PLEKHA5: variants seen among roughly 807,000 people sequenced by gnomAD.
The protein encoded by PLEKHA5 is pleckstrin homology domain-containing family A member 5.
A neutral mutation model predicts 181.9 loss-of-function variants in PLEKHA5; 55 were observed. That is an observed-to-expected ratio of 0.30 (90% CI 0.24 to 0.38). The LOEUF is 0.38. PLEKHA5 is among the 10% of genes least tolerant of loss of function. The probability of loss-of-function intolerance (pLI) is 1.00; values close to 1 mark genes in which losing one functional copy is unlikely to be tolerated. For missense variants in PLEKHA5, 1,432 were observed against 1,549.5 expected (o/e 0.92, Z 1.27); for synonymous variants, 535 against 529.4 (o/e 1.01, Z -0.15).
chr12:19,354,485 GT>G (rs36094874), intron 26 of PLEKHA5, among the ~76,000 whole-genome samples: 1,252 of 109,566 alleles, frequency 0.011, 19 homozygotes, highest in African/African-American at 0.04. Context: ...AAAAAAAATT[GT>G]TTTTTTTTTT....
chr12:19,179,793 TTA>T (rs1255647415), intron 3 of PLEKHA5, among the ~76,000 whole-genome samples: 7 of 152,218 alleles, frequency 4.6e-5, no homozygotes, highest in Non-Finnish European at 8.8e-5. Flanking sequence ...TAGCTGAAAG[TTA>T]GCCTCTCATT....
intron 3 of PLEKHA5, among the ~76,000 whole-genome samples, chr12:19,212,832 GTTGTT>G: frequency 1.2e-5 from 1 of 83,190 alleles, no homozygotes; most frequent in African/African-American, 3.8e-5. Context: ...GTTTTTTTTT[GTTGTT>G]TTTTTTTTTT....
At chr12:19,357,721 C>T (rs1285413546) in intron 26 of PLEKHA5, among the ~76,000 whole-genome samples, 4 of 151,188 alleles carry the variant, frequency 2.6e-5, no homozygotes, top group African/African-American at 9.7e-5. Flanking sequence ...CTGCAACCTC[C>T]ACCTCCTGGG....
chr12:19,245,550 A>G (rs1490463207), intron 3 of PLEKHA5, among the ~76,000 whole-genome samples: 1 of 151,876 alleles, frequency 6.6e-6, no homozygotes, highest in African/African-American at 2.4e-5. Flanking sequence ...CAATATGGTG[A>G]AACCCCGTCT....
At position 19,274,873 on chromosome 12, in the gene PLEKHA5, G is replaced by T; in HGVS notation, c.1203G>T (p.Gly401=). The T allele has an allele frequency of 6.2e-7, 1 of 1,614,002 alleles. No homozygotes were observed. Among genetic ancestry groups the T allele is most frequent in the East Asian group, 2.2e-5 (1 of 44,848 alleles). The change falls in exon 11 of 32, where the codon GGG becomes GGT. Residue 401 remains glycine, a synonymous_variant. Coordinates refer to ENST00000429027, the MANE Select transcript of PLEKHA5 (RefSeq NM_001256470.2). ...DLRGGNRPNT[G]PLYTEADRVI... ...GAGGTGGAAATCGCCCCAATACAGGGCCCTTATACACAGAGGCCGATCGAG... is the reference window on the plus strand; with the variant it reads ...GAGGTGGAAATCGCCCCAATACAGGTCCCTTATACACAGAGGCCGATCGAG...
chr12:19,322,342 A>G lies in PLEKHA5; in HGVS notation c.2250A>G (p.Lys750=), dbSNP rs376268200. 51 of 1,613,340 alleles carry G rather than the reference A, an allele frequency of 3.2e-5. No homozygotes were observed. Among genetic ancestry groups the G allele is most frequent in the Non-Finnish European group, 4.2e-5 (49 of 1,179,460 alleles). The stretch of plus-strand genomic sequence containing the variant: ...TAAGCCGATTATGTGAACAAGATAA[A>G]GTGGTGCATGCTCTGGAAGAGAAAC... ...AKLSRLCEQD[K]VVHALEEKLQ... is the part of the protein sequence containing the mutation. Residue 750 remains lysine (K), a synonymous_variant, in exon 19 of 32, where the codon AAA becomes AAG. Transcript: ENST00000429027.
chr12:19,159,877 G>A (rs894137455), intron 3 of PLEKHA5, among the ~76,000 whole-genome samples: 2 of 152,106 alleles, frequency 1.3e-5, no homozygotes, highest in African/African-American at 2.4e-5. Context: ...TGTATATACA[G>A]GAATGCATGG....
At chr12:19,231,859 T>A (rs1592144462) in intron 3 of PLEKHA5, among the ~76,000 whole-genome samples, 1 of 152,026 alleles carries the variant, frequency 6.6e-6, no homozygotes, top group East Asian at 1.9e-4. Context: ...CTGTAGTGAT[T>A]AAGATGAAAA....
chr12:19,333,714 T>C (rs1419401180), intron 20 of PLEKHA5, among the ~76,000 whole-genome samples: 1 of 148,612 alleles, frequency 6.7e-6, no homozygotes, highest in Non-Finnish European at 1.5e-5. Flanking sequence ...GTTCAAGCAA[T>C]TCTCCTGTCT....
chr12:19,303,239 T>G (rs2082124497), intron 15 of PLEKHA5, among the ~76,000 whole-genome samples: 1 of 152,132 alleles, frequency 6.6e-6, no homozygotes. Context: ...AGAGAGCAAT[T>G]AAGCCACTGC....
chr12:19,241,702 G>A (rs965204150), intron 3 of PLEKHA5, among the ~76,000 whole-genome samples: 21 of 150,748 alleles, frequency 1.4e-4, no homozygotes, highest in African/African-American at 4.9e-4. Context: ...GTTGCAGTGA[G>A]CCCAAAATCA....
chr12:19,215,504 G>T (rs1481255821), intron 3 of PLEKHA5, among the ~76,000 whole-genome samples: 2 of 151,984 alleles, frequency 1.3e-5, no homozygotes, highest in African/African-American at 4.8e-5. Flanking sequence ...ATAGTAGTTT[G>T]GATAACAGCA....
At chr12:19,363,298 C>T (rs1337484819) in intron 29 of PLEKHA5, among the ~76,000 whole-genome samples, 4 of 150,428 alleles carry the variant, frequency 2.7e-5, no homozygotes, top group Admixed American at 6.6e-5. Context: ...ACTACAGGCG[C>T]GTGTCACCAC....
chr12:19,138,202 A>T (rs2036230933), intron 3 of PLEKHA5, among the ~76,000 whole-genome samples: 1 of 152,102 alleles, frequency 6.6e-6, no homozygotes, highest in Non-Finnish European at 1.5e-5. Context: ...TCATTTTTTT[A>T]AATAACAGAT....
At chr12:19,258,258 A>T (rs193048420) in intron 6 of PLEKHA5, among the ~76,000 whole-genome samples, 585 of 152,200 alleles carry the variant, frequency 3.8e-3, no homozygotes, top group East Asian at 8.3e-3. Context: ...TTTACTTCCC[A>T]GTTTGCAGCT....
At chr12:19,158,132 C>T (rs1250722685) in intron 3 of PLEKHA5, among the ~76,000 whole-genome samples, 1 of 152,004 alleles carries the variant, frequency 6.6e-6, no homozygotes, top group Admixed American at 6.6e-5. Flanking sequence ...GTGGATGGAT[C>T]ACGAGGTCAG....
intron 27 of PLEKHA5, among the ~76,000 whole-genome samples, chr12:19,359,197 G>A (rs1175617151): frequency 1.3e-5 from 2 of 152,126 alleles, no homozygotes; most frequent in Non-Finnish European, 2.9e-5. Flanking sequence ...GGCACATTCT[G>A]CAAATTACAA....
intron 13 of PLEKHA5, among the ~76,000 whole-genome samples, chr12:19,287,806 C>T (rs1274284960): frequency 3.3e-5 from 5 of 152,064 alleles, no homozygotes; most frequent in Admixed American, 6.5e-5. Context: ...TGGCCGGGCA[C>T]GGTGGCTCAT....
At chr12:19,172,654 A>G (rs1452836787) in intron 3 of PLEKHA5, among the ~76,000 whole-genome samples, 1 of 152,186 alleles carries the variant, frequency 6.6e-6, no homozygotes, top group East Asian at 1.9e-4. Flanking sequence ...AGTGCTTATC[A>G]TTTACCAGGC....
Sources: gnomAD v4.1 joint callset for allele counts (sites outside exome capture counted in the v4.1 genomes callset) on GRCh38, gnomAD v4.1.1 for gene constraint, MANE v1.5 for transcripts, NCBI Gene and HGNC (gene_info 2026-07-23, HGNC 2026-07-21) for gene names.